FBXL17: variants seen among roughly 807,000 people sequenced by gnomAD.
FBXL17 encodes the protein F-box/LRR-repeat protein 17.
Under a neutral mutation model 66.2 loss-of-function variants are expected in FBXL17, and 22 were observed. That is an observed-to-expected ratio of 0.33 (90% CI 0.24 to 0.47). The LOEUF is 0.47. Among genes scored for constraint, FBXL17 ranks in the 20% least tolerant of loss-of-function variants. The pLI, the probability that FBXL17 is intolerant of heterozygous loss-of-function variation, is 1.00. For synonymous variants in FBXL17, 474 were observed against 400.5 expected, an observed-to-expected ratio of 1.18 and a Z score of -2.19; for missense variants, 878 against 948.2, an observed-to-expected ratio of 0.93 and a Z score of 0.97.
intron 6 of FBXL17, among the ~76,000 whole-genome samples, chr5:108,132,824 A>G (rs1205730953): frequency 6.6e-6 from 1 of 152,210 alleles, no homozygotes; most frequent in East Asian, 1.9e-4. Flanking sequence ...TGAAGTTTAC[A>G]TTGCCAGCTC....
chr5:108,177,078 G>A (rs116274653), intron 6 of FBXL17, among the ~76,000 whole-genome samples: 2,209 of 152,196 alleles, frequency 0.015, 25 homozygotes, highest in Non-Finnish European at 0.022. Flanking sequence ...ATCTGCAATG[G>A]TTAAGTATTC....
At chr5:107,956,197 A>G (rs1027450545) in intron 7 of FBXL17, among the ~76,000 whole-genome samples, 28 of 152,202 alleles carry the variant, frequency 1.8e-4, no homozygotes, top group African/African-American at 6.3e-4. Context: ...AGATAATAGA[A>G]ATAATTTTAT....
At position 108,381,405 on chromosome 5, in the gene FBXL17, G is replaced by C. The variant is rs1467731839; in HGVS notation, c.287C>G (p.Ser96Cys). Residue 96 changes from serine to cysteine, a missense_variant, in exon 1 of 9, where the codon TCC (serine) becomes TGC (cysteine). Coordinates refer to ENST00000542267, the MANE Select transcript of FBXL17 (RefSeq NM_001163315.3). ...GTAGCGCCGCGCCAGGTGCTGAGAGGAGGAGGCGGCAGCGTAGGCCCCGTC... is the reference window on the plus strand; with the variant it reads ...GTAGCGCCGCGCCAGGTGCTGAGAGCAGGAGGCGGCAGCGTAGGCCCCGTC... ...PRDGAYAAAS[S>C]SQHLARRYAA... The C allele has an allele frequency of 3.8e-6, 5 of 1,326,792 alleles. No individual in the cohort carries two copies. The highest frequency in any genetic ancestry group is 2.8e-4 in the Middle Eastern group (1 of 3,574). 82.2% of individuals were successfully genotyped at this position (1,326,792 alleles called of 1,614,324 possible). A position where few individuals can be genotyped will look rare whatever the true frequency, so the allele number is the denominator to read the frequency against.
At position 108,224,092 on chromosome 5, in the gene FBXL17, T is replaced by C. The variant is rs113906102; in HGVS notation, c.1614+29A>G. ...TCATCACCTGTATGATACTCAAAAATACCAAGGAAAAGCAGCCATAGTACC... is the reference window on the plus strand; with the variant it reads ...TCATCACCTGTATGATACTCAAAAACACCAAGGAAAAGCAGCCATAGTACC... On this transcript the variant is annotated intron_variant, in intron 5 of 8. Transcript: ENST00000542267. 7.6e-4 allele frequency: 933 copies of C among 1,226,690 alleles called. 1 individual carries two copies. The highest frequency in any genetic ancestry group is 8.5e-4 in the Non-Finnish European group (713 of 837,758). The allele number at this position is 1,226,690 out of a possible 1,614,324, so 76.0% of individuals were successfully genotyped here. A position where few individuals can be genotyped will look rare whatever the true frequency, so the allele number is the denominator to read the frequency against.
chr5:107,989,046 C>A (rs778954157), intron 7 of FBXL17, among the ~76,000 whole-genome samples: 10 of 151,630 alleles, frequency 6.6e-5, no homozygotes, highest in Non-Finnish European at 1.3e-4. Context: ...GGGGTACAGG[C>A]GACATTTTGA....
intron 4 of FBXL17, among the ~76,000 whole-genome samples, chr5:108,243,784 G>T (rs1755969731): frequency 6.6e-6 from 1 of 152,146 alleles, no homozygotes; most frequent in South Asian, 2.1e-4. Flanking sequence ...ACCAAAAGTT[G>T]ATTGTGTGGC....
At chr5:107,999,237 CT>C (rs1753610622) in intron 7 of FBXL17, among the ~76,000 whole-genome samples, 1 of 152,078 alleles carries the variant, frequency 6.6e-6, no homozygotes, top group African/African-American at 2.4e-5. Flanking sequence ...ATCTTTGTGT[CT>C]GCAGTATCTA....
chr5:108,249,352 G>A (rs1054832315), intron 4 of FBXL17, among the ~76,000 whole-genome samples: 6 of 152,166 alleles, frequency 3.9e-5, no homozygotes, highest in African/African-American at 9.6e-5. Flanking sequence ...TAAGAGCTCC[G>A]CACATTATTT....
chr5:108,182,906 A>G (rs1753063213), intron 6 of FBXL17, among the ~76,000 whole-genome samples: 1 of 152,190 alleles, frequency 6.6e-6, no homozygotes, highest in South Asian at 2.1e-4. Context: ...GATAACTCAT[A>G]CAACGAAGTA....
chr5:108,097,551 G>A (rs1749423471), intron 6 of FBXL17, among the ~76,000 whole-genome samples: 1 of 152,082 alleles, frequency 6.6e-6, no homozygotes, highest in South Asian at 2.1e-4. Context: ...AGCACTTTGG[G>A]AGGTGGGGGT....
chr5:108,218,427 C>T (rs1221405173), intron 5 of FBXL17, among the ~76,000 whole-genome samples: 1 of 152,048 alleles, frequency 6.6e-6, no homozygotes, highest in African/African-American at 2.4e-5. Flanking sequence ...ATTTTATATC[C>T]TTTGGATACA....
At chr5:107,889,675 G>A (rs181223735) in intron 7 of FBXL17, among the ~76,000 whole-genome samples, 3 of 152,320 alleles carry the variant, frequency 2.0e-5, no homozygotes, top group African/African-American at 7.2e-5. Context: ...TTATTTATAG[G>A]TTGCATCTGC....
chr5:108,305,275 G>T (rs1258570006), intron 4 of FBXL17, among the ~76,000 whole-genome samples: 2 of 143,882 alleles, frequency 1.4e-5, no homozygotes, highest in Admixed American at 6.7e-5. Flanking sequence ...CAGACACATG[G>T]TTCTCACAGA....
chr5:108,342,851 T>A (rs17163936), intron 4 of FBXL17, among the ~76,000 whole-genome samples: 1 of 152,138 alleles, frequency 6.6e-6, no homozygotes, highest in Admixed American at 6.5e-5. Context: ...CAGCAAATGA[T>A]AGCAAAATCC....
At chr5:107,952,148 C>T (rs896880194) in intron 7 of FBXL17, among the ~76,000 whole-genome samples, 28 of 151,960 alleles carry the variant, frequency 1.8e-4, no homozygotes, top group South Asian at 2.1e-4. Context: ...TGCAAGTAGG[C>T]ACATATATGC....
intron 4 of FBXL17, among the ~76,000 whole-genome samples, chr5:108,278,227 A>T (rs1757562325): frequency 6.6e-6 from 1 of 152,158 alleles, no homozygotes; most frequent in Non-Finnish European, 1.5e-5. Context: ...TAACTTACAG[A>T]GTGGCTAGAA....
chr5:108,037,355 G>A (rs1320252617), intron 6 of FBXL17, among the ~76,000 whole-genome samples: 2 of 152,074 alleles, frequency 1.3e-5, no homozygotes, highest in Non-Finnish European at 2.9e-5. Flanking sequence ...GTAAGACAAG[G>A]AAAATATCAC....
chr5:108,026,354 T>C (rs977189156), intron 6 of FBXL17, among the ~76,000 whole-genome samples: 10 of 152,312 alleles, frequency 6.6e-5, no homozygotes, highest in Admixed American at 5.2e-4. Context: ...TTCTGGAACA[T>C]GACAGATGGT....
chr5:108,377,071 T>C (rs2112645864), intron 1 of FBXL17, among the ~76,000 whole-genome samples: 1 of 152,336 alleles, frequency 6.6e-6, no homozygotes, highest in South Asian at 2.1e-4. Context: ...TCATTCTGTG[T>C]CTGAATATCT....
Sources: allele counts gnomAD v4.1 joint callset (sites outside exome capture counted in the v4.1 genomes callset), GRCh38; gene constraint gnomAD v4.1.1; transcripts MANE v1.5; gene names NCBI Gene and HGNC (gene_info 2026-07-23, HGNC 2026-07-21).